NRG1: variants seen among roughly 807,000 people sequenced by gnomAD.
NRG1 encodes neuregulin 1, also known as pro-neuregulin-1, membrane-bound isoform.
A neutral mutation model predicts 63.8 loss-of-function variants in NRG1; 18 were observed. That is an observed-to-expected ratio of 0.28 (90% confidence interval 0.19 to 0.42). NRG1 has a LOEUF of 0.42. Among genes scored for constraint, NRG1 ranks in the 10% least tolerant of loss-of-function variants. NRG1 has a pLI of 1.00. For missense variants in NRG1, 762 were observed against 814.7 expected, an observed-to-expected ratio of 0.94 and a Z score of 0.79; for synonymous variants, 302 against 301.3, an observed-to-expected ratio of 1.00 and a Z score of -0.02.
intron 1 of NRG1, among the ~76,000 whole-genome samples, chr8:31,739,742 C>T (rs552264214): frequency 1.3e-5 from 2 of 152,102 alleles, no homozygotes; most frequent in African/African-American, 4.8e-5. Flanking sequence ...TTTTGATGCT[C>T]GTGTTGTCAG....
At chr8:32,070,142 A>T (rs1317695732) in intron 1 of NRG1, among the ~76,000 whole-genome samples, 2 of 152,210 alleles carry the variant, frequency 1.3e-5, no homozygotes, top group African/African-American at 4.8e-5. Context: ...TAGTAAATAT[A>T]TATTAACAAC....
intron 1 of NRG1, among the ~76,000 whole-genome samples, chr8:32,357,620 C>G (rs897373961): frequency 5.3e-5 from 8 of 152,186 alleles, no homozygotes; most frequent in African/African-American, 1.9e-4. Flanking sequence ...CTTCCTTCTC[C>G]TCCTCCTTTC....
chr8:31,666,676 T>C (rs1236665277), intron 1 of NRG1, among the ~76,000 whole-genome samples: 1 of 152,210 alleles, frequency 6.6e-6, no homozygotes, highest in Non-Finnish European at 1.5e-5. Context: ...CAAAGTTGCT[T>C]TTTATGATCT....
chr8:32,675,542 A>G (rs2128904422), intron 5 of NRG1, among the ~76,000 whole-genome samples: 1 of 152,334 alleles, frequency 6.6e-6, no homozygotes, highest in East Asian at 1.9e-4. Context: ...GCTGTATTCA[A>G]AGAGTAAAAT....
intron 1 of NRG1, among the ~76,000 whole-genome samples, chr8:32,369,793 G>A (rs1808569608): frequency 6.6e-6 from 1 of 152,170 alleles, no homozygotes; most frequent in African/African-American, 2.4e-5. Flanking sequence ...TTTCTACACA[G>A]ACATGGTTTT....
chr8:32,604,663 G>A (rs966527902), intron 2 of NRG1, among the ~76,000 whole-genome samples: 1 of 152,036 alleles, frequency 6.6e-6, no homozygotes, highest in Non-Finnish European at 1.5e-5. Flanking sequence ...GAATTCTTGG[G>A]CCCAAGTGAT....
At chr8:31,829,824 T>G (rs1171812554) in intron 1 of NRG1, among the ~76,000 whole-genome samples, 1 of 152,194 alleles carries the variant, frequency 6.6e-6, no homozygotes, top group Non-Finnish European at 1.5e-5. Context: ...AGGCAAGAGG[T>G]GGGCTGGCCA....
intron 1 of NRG1, among the ~76,000 whole-genome samples, chr8:32,172,703 C>T (rs1477082740): frequency 6.6e-6 from 1 of 152,154 alleles, no homozygotes; most frequent in Non-Finnish European, 1.5e-5. Flanking sequence ...GCACAAGCCT[C>T]AGTAGCTGAT....
At chr8:32,131,510 G>C (rs1834821573) in intron 1 of NRG1, among the ~76,000 whole-genome samples, 1 of 151,976 alleles carries the variant, frequency 6.6e-6, no homozygotes, top group Admixed American at 6.6e-5. Context: ...CTTCAGAATA[G>C]GATCTTCAGT....
chr8:31,722,254 C>T (rs574713732), intron 1 of NRG1, among the ~76,000 whole-genome samples: 9 of 152,114 alleles, frequency 5.9e-5, no homozygotes, highest in African/African-American at 1.7e-4. Context: ...TTTCCATGTG[C>T]GCTTACTTTA....
intron 1 of NRG1, among the ~76,000 whole-genome samples, chr8:32,079,271 TC>T (rs1827084280): frequency 1.3e-5 from 2 of 152,156 alleles, no homozygotes; most frequent in Admixed American, 6.6e-5. Context: ...TACATTTTTT[TC>T]ATCATAGTTT....
At chr8:32,102,818 T>C (rs1830742425) in intron 1 of NRG1, among the ~76,000 whole-genome samples, 2 of 152,144 alleles carry the variant, frequency 1.3e-5, no homozygotes, top group Non-Finnish European at 2.9e-5. Flanking sequence ...AGTAATAGCA[T>C]TGAATGCCCT....
intron 1 of NRG1, among the ~76,000 whole-genome samples, chr8:31,977,357 C>G (rs1429496436): frequency 1.3e-5 from 2 of 152,074 alleles, no homozygotes; most frequent in South Asian, 2.1e-4. Flanking sequence ...GCCTTAAAGT[C>G]TAACTTAGTG....
chr8:31,896,610 T>G (rs2129614663), intron 1 of NRG1, among the ~76,000 whole-genome samples: 1 of 152,330 alleles, frequency 6.6e-6, no homozygotes, highest in Non-Finnish European at 1.5e-5. Context: ...AAGACATAGC[T>G]TCTTGGACGC....
At chr8:32,560,709 A>G (rs1836227333) in intron 1 of NRG1, among the ~76,000 whole-genome samples, 1 of 152,206 alleles carries the variant, frequency 6.6e-6, no homozygotes, top group Non-Finnish European at 1.5e-5. Context: ...TCAGTGCTTA[A>G]TTATTCAGAC....
chr8:32,025,062 T>C (rs1817031918), intron 1 of NRG1, among the ~76,000 whole-genome samples: 1 of 152,218 alleles, frequency 6.6e-6, no homozygotes, highest in South Asian at 2.1e-4. Flanking sequence ...GACAGATCTG[T>C]CACTTTTCAT....
chr8:32,153,945 A>G (rs979211154), intron 1 of NRG1, among the ~76,000 whole-genome samples: 1 of 152,214 alleles, frequency 6.6e-6, no homozygotes, highest in East Asian at 1.9e-4. Context: ...ATAAGACAAC[A>G]TGATGGAAAC....
intron 1 of NRG1, among the ~76,000 whole-genome samples, chr8:31,653,438 G>C (rs1805103014): frequency 6.6e-6 from 1 of 152,150 alleles, no homozygotes; most frequent in Non-Finnish European, 1.5e-5. Flanking sequence ...TTCTGGTCCT[G>C]ACTTTCCCCT....
chr8:32,153,874 G>C (rs1837773726), intron 1 of NRG1, among the ~76,000 whole-genome samples: 1 of 152,150 alleles, frequency 6.6e-6, no homozygotes, highest in African/African-American at 2.4e-5. Context: ...AAAGTTAGGT[G>C]GGAGAATTGA....
Sources: gnomAD v4.1 joint callset for allele counts (sites outside exome capture counted in the v4.1 genomes callset) on GRCh38, gnomAD v4.1.1 for gene constraint, MANE v1.5 for transcripts, NCBI Gene and HGNC (gene_info 2026-07-23, HGNC 2026-07-21) for gene names.